AMPD1: variants seen among roughly 807,000 people sequenced by gnomAD.
The protein encoded by AMPD1 is AMP deaminase 1.
In AMPD1, 74 loss-of-function variants were observed where a neutral mutation model predicts 82.9. The ratio of observed to expected loss-of-function variants is 0.89; its 90% CI spans 0.74 to 1.08. The LOEUF (loss-of-function observed/expected upper bound fraction) is 1.08. AMPD1 is among the 50% of genes least tolerant of loss of function. The pLI is 0.00. For synonymous variants in AMPD1, 333 were observed against 320.5 expected, an observed-to-expected ratio of 1.04 and a Z score of -0.42; for missense variants, 881 against 924.5, an observed-to-expected ratio of 0.95 and a Z score of 0.61.
intron 5 of AMPD1, among the ~76,000 whole-genome samples, chr1:114,682,217 T>C (rs1359602165): frequency 6.6e-6 from 1 of 151,734 alleles, no homozygotes; most frequent in Non-Finnish European, 1.5e-5. Flanking sequence ...GTGAGAAAAA[T>C]AGCATAGGGA....
chr1:114,675,026 T>A (rs1657940246), intron 12 of AMPD1, 154 bp from the exon 13 acceptor site: 1 of 1,052,216 alleles, frequency 9.5e-7, no homozygotes, highest in Admixed American at 2.2e-5. Flanking sequence ...TCTTGCTAAA[T>A]ACAAAGTTTC....
intron 10 of AMPD1, chr1:114,676,300 C>T (rs904254660): frequency 3.8e-5 from 14 of 369,886 alleles, no homozygotes; most frequent in Non-Finnish European, 6.2e-5. Flanking sequence ...TATGCAATTA[C>T]GTCATAAAAG....
chr1:114,682,076 C>T (rs1310434379), intron 5 of AMPD1, among the ~76,000 whole-genome samples: 2 of 152,146 alleles, frequency 1.3e-5, no homozygotes, highest in Admixed American at 1.3e-4. Flanking sequence ...ACACATTTCG[C>T]ACCGTCAGAG....
At chr1:114,691,834 A>C (rs1658525533) in intron 2 of AMPD1, among the ~76,000 whole-genome samples, 1 of 152,112 alleles carries the variant, frequency 6.6e-6, no homozygotes, top group Non-Finnish European at 1.5e-5. Flanking sequence ...CTGAGGCAGG[A>C]GAATTGCTTG....
Position 114,689,031 on chromosome 1 carries a change from C to G in AMPD1, c.35-290G>C, listed in dbSNP as rs1056631255. Reference sequence around the variant, plus strand: ...CCGGGCTGTTGTAGGACTAGCACCTCAGTAAGATCACCTGTTTCTGGCAAG... The same window carrying G: ...CCGGGCTGTTGTAGGACTAGCACCTGAGTAAGATCACCTGTTTCTGGCAAG... On this transcript the variant is annotated intron_variant, in intron 2 of 15. Coordinates refer to ENST00000520113, the MANE Select transcript of AMPD1 (RefSeq NM_000036.3). The G allele has an allele frequency of 4.7e-6, 3 of 632,964 alleles. No homozygotes were observed. In the African/African-American group the frequency reaches 5.3e-5, roughly 11 times the overall value. The allele number at this position is 632,964 out of a possible 1,614,324, so 39.2% of individuals were successfully genotyped here. A position where few individuals can be genotyped will look rare whatever the true frequency, so the allele number is the denominator to read the frequency against.
intron 13 of AMPD1, 107 bp downstream of exon 13, chr1:114,674,645 G>T: frequency 7.3e-7 from 1 of 1,373,730 alleles, no homozygotes; most frequent in Non-Finnish European, 1.0e-6. Flanking sequence ...TGCTCTACTT[G>T]ATTATGATTG....
rs946062276 is a variant in AMPD1, at chr1:114,695,384, C to G, written c.22+66G>C. 9 of 1,541,572 alleles carry G rather than the reference C, an allele frequency of 5.8e-6. No homozygotes were observed. In the African/African-American group the frequency reaches 8.6e-5, roughly 15 times the overall value. On this transcript the variant is annotated intron_variant, in intron 1 of 15. Coordinates refer to ENST00000520113, the MANE Select transcript of AMPD1 (RefSeq NM_000036.3). ...AAAGCTGATATGGTAGCTAAAGGAA[C>G]AGTTGCTTGTCAAAAAAAAAAAAAA...
At position 114,680,381 on chromosome 1, in the gene AMPD1, A is replaced by G. The variant is rs879508412; in HGVS notation, c.645T>C (p.Val215=). Residue 215 remains valine (V), a synonymous_variant, in exon 6 of 16, where the codon GTT becomes GTC. Coordinates refer to ENST00000520113, the MANE Select transcript of AMPD1 (RefSeq NM_000036.3). ...GYHLKMKDGV[V]YVYPNEAAVS... is the part of the protein sequence containing the mutation. ...CTGCTGCTTCATTAGGATAGACGTAAACTACACCGTCCTTCATTTTGAGGT... is the reference window on the plus strand; with the variant it reads ...CTGCTGCTTCATTAGGATAGACGTAGACTACACCGTCCTTCATTTTGAGGT... 2 of 1,614,210 alleles carry G rather than the reference A, an allele frequency of 1.2e-6. No homozygotes were observed. The highest frequency in any genetic ancestry group is 1.7e-6 in the Non-Finnish European group (2 of 1,180,026).
Position 114,688,602 on chromosome 1 carries a change from T to C in AMPD1, c.174A>G (p.Ile58Met), listed in dbSNP as rs375898522. Residue 58 changes from isoleucine to methionine, a missense_variant, in exon 3 of 16, where the codon ATA becomes ATG. Around this residue, in one of 2 missense-constraint regions of AMPD1, gnomAD observed 783 missense variants for 786.4 expected, o/e 1.00. Coordinates refer to ENST00000520113, the MANE Select transcript of AMPD1 (RefSeq NM_000036.3). ...PISHHEMQAH[I>M]FHLETLSTST... The stretch of plus-strand genomic sequence containing the variant: ...AGGTGGACAGAGTCTCCAGATGGAA[T>C]ATGTGTGCTTGCATCTCATGATGAG... 9 of 1,614,086 alleles carry C rather than the reference T, an allele frequency of 5.6e-6. No homozygotes were observed. The highest frequency in any genetic ancestry group is 7.6e-6 in the Non-Finnish European group (9 of 1,180,042).
intron 10 of AMPD1, among the ~76,000 whole-genome samples, chr1:114,676,470 CA>C (rs1436009010): frequency 6.6e-6 from 1 of 152,108 alleles, no homozygotes; most frequent in East Asian, 1.9e-4. Context: ...CATAACAACT[CA>C]ATAAGTTAGG....
rs760995823 is a variant in AMPD1, at chr1:114,688,683, A to G, written c.93T>C (p.Asp31=). Residue 31 remains aspartate (D), a synonymous_variant, in exon 3 of 16, where the codon GAT becomes GAC. Coordinates refer to ENST00000520113, the MANE Select transcript of AMPD1 (RefSeq NM_000036.3). The part of the protein sequence containing the change: ...AEKVFASEVK[D]EGGRQEISPF... ...GGGAAATCTCCTGACGACCTCCTTC[A>G]TCTTTGACTTCAGAGGCAAACACTT... 29 of 1,614,116 alleles carry G rather than the reference A, an allele frequency of 1.8e-5. No individual in the cohort carries two copies. The highest frequency in any genetic ancestry group is 2.5e-5 in the Non-Finnish European group (29 of 1,180,050).
Position 114,688,681 on chromosome 1 carries a change from T to C in AMPD1, c.95A>G (p.Glu32Gly), listed in dbSNP as rs768174113. The change falls in exon 3 of 16, where the codon GAA (glutamate) becomes GGA (glycine). Residue 32 changes from glutamate (E) to glycine (G), a missense_variant. Glu to Gly is a moderately conservative substitution (Grantham distance 98, BLOSUM62 -2). This residue lies in a region of AMPD1 where 783 missense variants were observed against 786.4 expected (regional missense o/e 1.00). Coordinates refer to ENST00000520113, the MANE Select transcript of AMPD1 (RefSeq NM_000036.3). The part of the protein sequence containing the change: ...EKVFASEVKD[E>G]GGRQEISPFD... ...GGGGGAAATCTCCTGACGACCTCCT[T>C]CATCTTTGACTTCAGAGGCAAACAC... The C allele has an allele frequency of 1.9e-6, 3 of 1,614,120 alleles. No homozygotes were observed. The Admixed American group carries it at 5.0e-5, about 27-fold the overall frequency.
chr1:114,674,854 C>T lies in AMPD1; in HGVS notation c.1698G>A (p.Thr566=), dbSNP rs1419188352. 3.1e-6 allele frequency: 5 copies of T among 1,614,092 alleles called. No homozygotes were observed. Among genetic ancestry groups the T allele is most frequent in the Admixed American group, 3.3e-5 (2 of 60,030 alleles). Residue 566 remains threonine (T), a synonymous_variant, in exon 13 of 16, where the codon ACG becomes ACA. Coordinates refer to ENST00000520113, the MANE Select transcript of AMPD1 (RefSeq NM_000036.3). Reference sequence around the variant, plus strand: ...CTCCACAGTGAGGTCGGAACAGAAACGTATTCATGCCTCGTTCCCTGGGGA... The same window carrying T: ...CTCCACAGTGAGGTCGGAACAGAAATGTATTCATGCCTCGTTCCCTGGGGA... ...NSLRKERGMN[T]FLFRPHCGEA... is the part of the protein sequence containing the mutation.
intron 1 of AMPD1, among the ~76,000 whole-genome samples, 193 bp from the exon 2 acceptor site, chr1:114,693,640 C>A (rs897905344): frequency 1.3e-5 from 2 of 152,102 alleles, no homozygotes; most frequent in African/African-American, 4.8e-5. Context: ...ATTTTCTTTT[C>A]TTTTCTAATA....
chr1:114,678,579 T>C (rs368452649), intron 7 of AMPD1, 52 bp from the exon 8 acceptor site: 134 of 1,514,426 alleles, frequency 8.8e-5, no homozygotes, highest in Non-Finnish European at 1.2e-4. Flanking sequence ...TTAGTTATGC[T>C]ACTCTGTTTA....
intron 2 of AMPD1, among the ~76,000 whole-genome samples, chr1:114,692,707 A>G (rs1394044156): frequency 6.6e-6 from 1 of 152,036 alleles, no homozygotes. Context: ...ACAAACAAAT[A>G]AATAAAATAG....
intron 7 of AMPD1, 91 bp from the exon 8 acceptor site, chr1:114,678,618 G>T: frequency 8.4e-7 from 1 of 1,189,700 alleles, no homozygotes; most frequent in Non-Finnish European, 1.2e-6. Context: ...ATCCCACTGC[G>T]TTGGGACAAA....
In AMPD1 at chr1:114,677,504, G is replaced by T. The variant is rs770870863; in HGVS notation, c.1235C>A (p.Ala412Glu). The change falls in exon 10 of 16, where the codon GCG becomes GAG. Residue 412 changes from alanine (A) to glutamate (E), a missense_variant. Around this residue, in one of 2 missense-constraint regions of AMPD1, gnomAD observed 783 missense variants for 786.4 expected, o/e 1.00. Transcript: ENST00000520113. ...YFATIIKEVG[A>E]DLVEAKYQHA... ...CTGGTACTTGGCCTCCACCAGGTCC[G>T]CACCTACCTCCTGCAAAGCCAAGAG... is the stretch of plus-strand genomic sequence containing the variant. The T allele has an allele frequency of 6.2e-7, 1 of 1,613,444 alleles. No homozygotes were observed. The highest frequency in any genetic ancestry group is 2.2e-5 in the East Asian group (1 of 44,856).
intron 1 of AMPD1, among the ~76,000 whole-genome samples, chr1:114,694,518 A>C (rs1053402478): frequency 6.6e-6 from 1 of 152,192 alleles, no homozygotes; most frequent in East Asian, 1.9e-4. Flanking sequence ...AAGAGTGAAT[A>C]TCTTTGGATA....
Sources: gnomAD v4.1 joint callset for allele counts (sites outside exome capture counted in the v4.1 genomes callset) on GRCh38, gnomAD v4.1.1 for gene constraint, gnomAD v4.1.1 regional missense constraint, MANE v1.5 for transcripts, NCBI Gene and HGNC (gene_info 2026-07-23, HGNC 2026-07-21) for gene names.